The following ANO5 variants were observed in gnomAD, a reference collection of about 807,000 sequenced individuals.
ANO5 encodes the protein anoctamin 5, also known as anoctamin-5.
Under a neutral mutation model 121.0 loss-of-function variants are expected in ANO5, and 109 were observed. That is an observed-to-expected ratio of 0.90 (90% CI 0.77 to 1.06). ANO5 has a LOEUF of 1.06. Among genes scored for constraint, ANO5 ranks in the 50% least tolerant of loss-of-function variants. The pLI is 0.00. For missense variants in ANO5, 1,064 were observed against 1,078.5 expected (o/e 0.99, Z 0.19); for synonymous variants, 406 against 359.9 (o/e 1.13, Z -1.45).
intron 16 of ANO5, 32 bp from the exon 17 acceptor site, chr11:22,262,914 A>T (rs377742416): frequency 9.6e-5 from 145 of 1,513,378 alleles, no homozygotes; most frequent in Middle Eastern, 5.1e-4. Context: ...TGATCATTCA[A>T]TTCTGTTTTC....
intron 13 of ANO5, among the ~76,000 whole-genome samples, chr11:22,256,658 T>C (rs1854008034): frequency 6.6e-6 from 1 of 152,176 alleles, no homozygotes; most frequent in African/African-American, 2.4e-5. Context: ...TGAAAAGCCA[T>C]ATGTATTGAT....
At chr11:22,248,290 T>C (rs1308076178) in intron 9 of ANO5, among the ~76,000 whole-genome samples, 1 of 152,030 alleles carries the variant, frequency 6.6e-6, no homozygotes, top group East Asian at 1.9e-4. Flanking sequence ...ATAATTAAAA[T>C]GGACAGGTTA....
chr11:22,224,741 G>T (rs1852768233), intron 5 of ANO5, among the ~76,000 whole-genome samples: 1 of 152,060 alleles, frequency 6.6e-6, no homozygotes, highest in East Asian at 1.9e-4. Context: ...AAAAGCTTCT[G>T]CACAGCAAAG....
At chr11:22,270,802 AG>A (rs1161559122) in intron 18 of ANO5, among the ~76,000 whole-genome samples, 1 of 152,146 alleles carries the variant, frequency 6.6e-6, no homozygotes, top group African/African-American at 2.4e-5. Context: ...AGATAGAATA[AG>A]TAGCCTGGAA....
intron 7 of ANO5, among the ~76,000 whole-genome samples, chr11:22,233,310 G>GACAC (rs1253417383): frequency 2.6e-5 from 4 of 151,776 alleles, no homozygotes; most frequent in Admixed American, 6.6e-5. Context: ...CTTTTTAAAA[G>GACAC]ACACACATCT....
intron 12 of ANO5, among the ~76,000 whole-genome samples, chr11:22,252,585 C>G (rs1242814949): frequency 6.6e-6 from 1 of 152,020 alleles, no homozygotes; most frequent in Non-Finnish European, 1.5e-5. Flanking sequence ...ATAATAAGCA[C>G]AGTAATCCTT....
chr11:22,279,838 G>A lies in ANO5; in HGVS notation c.*73G>A. Reference sequence around the variant, plus strand: ...CCTCTGGTTTTAGGGCCAGACGCCAGAAGCCATGTGTCAATTTTACCCTTT... The same window carrying A: ...CCTCTGGTTTTAGGGCCAGACGCCAAAAGCCATGTGTCAATTTTACCCTTT... On this transcript the variant is annotated 3_prime_UTR_variant, in exon 22 of 22. Coordinates refer to ENST00000324559, the MANE Select transcript of ANO5 (RefSeq NM_213599.3). 1.6e-6 allele frequency: 2 copies of A among 1,213,580 alleles called. No homozygotes were observed. The highest frequency in any genetic ancestry group is 2.4e-5 in the East Asian group (1 of 41,618). 75.2% of individuals were successfully genotyped at this position (1,213,580 alleles called of 1,614,324 possible).
intron 16 of ANO5, among the ~76,000 whole-genome samples, chr11:22,262,612 G>A (rs769500020): frequency 1.3e-5 from 2 of 152,306 alleles, no homozygotes; most frequent in Non-Finnish European, 2.9e-5. Flanking sequence ...GTTCCACTAT[G>A]GGTAGTAGAG....
chr11:22,214,292 A>G (rs533543366), intron 3 of ANO5, among the ~76,000 whole-genome samples: 52 of 151,798 alleles, frequency 3.4e-4, no homozygotes, highest in Non-Finnish European at 7.1e-4. Context: ...CTTCTTTCTG[A>G]CTAGATGCTC....
chr11:22,234,363 A>G (rs1387703410), intron 7 of ANO5, among the ~76,000 whole-genome samples: 3 of 152,066 alleles, frequency 2.0e-5, no homozygotes, highest in African/African-American at 7.2e-5. Flanking sequence ...TGATCTCTTT[A>G]GGGGGATTGT....
At chr11:22,272,746 C>T (rs371979105) in intron 18 of ANO5, 38 bp from the exon 19 acceptor site, 36 of 1,583,328 alleles carry the variant, frequency 2.3e-5, no homozygotes, top group Non-Finnish European at 3.1e-5. Flanking sequence ...CTTTCTCCTT[C>T]ACAATAATGA....
intron 7 of ANO5, among the ~76,000 whole-genome samples, chr11:22,231,782 G>T (rs1013726724): frequency 6.6e-6 from 1 of 151,904 alleles, no homozygotes; most frequent in Non-Finnish European, 1.5e-5. Flanking sequence ...ATCACACTTT[G>T]CAAAAAGATG....
At chr11:22,250,515 A>T in intron 10 of ANO5, 144 bp downstream of exon 10, 2 of 1,234,928 alleles carry the variant, frequency 1.6e-6, no homozygotes, top group Non-Finnish European at 2.3e-6. Flanking sequence ...CTACTCAAAC[A>T]TAACAGTTGC....
At chr11:22,275,309 GACACACAC>G (rs56171321) in intron 20 of ANO5, among the ~76,000 whole-genome samples, 7 of 148,506 alleles carry the variant, frequency 4.7e-5, no homozygotes, top group African/African-American at 7.4e-5. Flanking sequence ...ACAATTTAAA[GACACACAC>G]ACACACACAC....
chr11:22,211,168 C>A, intron 2 of ANO5, 96 bp from the exon 3 acceptor site: 1 of 1,294,180 alleles, frequency 7.7e-7, no homozygotes, highest in Non-Finnish European at 1.1e-6. Context: ...AGTGTTTCTG[C>A]ATAGAGATTA....
chr11:22,277,587 T>C (rs1031607194), intron 21 of ANO5, among the ~76,000 whole-genome samples: 4 of 151,716 alleles, frequency 2.6e-5, no homozygotes, highest in African/African-American at 9.7e-5. Flanking sequence ...TCCTGTCTTA[T>C]ATTCTGAACA....
chr11:22,254,054 A>G (rs1853912851), intron 12 of ANO5, among the ~76,000 whole-genome samples: 1 of 152,168 alleles, frequency 6.6e-6, no homozygotes, highest in South Asian at 2.1e-4. Flanking sequence ...TTCCCATTTA[A>G]TAAATGTTTA....
upstream of ANO5, chr11:22,193,044 A>T (rs1652819445): frequency 9.8e-7 from 1 of 1,020,514 alleles, no homozygotes; most frequent in Non-Finnish European, 1.2e-6. Flanking sequence ...GGAAACAGGG[A>T]CGCAGCGAAG....
intron 19 of ANO5, among the ~76,000 whole-genome samples, chr11:22,274,163 T>TACACACACACACAC (rs34022294): frequency 6.8e-4 from 98 of 143,844 alleles, no homozygotes; most frequent in African/African-American, 2.5e-3. Context: ...GTTAATCTCT[T>TACACACACACACAC]ACACACACAC....
Sources: allele counts gnomAD v4.1 joint callset (sites outside exome capture counted in the v4.1 genomes callset), GRCh38; gene constraint gnomAD v4.1.1; transcripts MANE v1.5; gene names NCBI Gene and HGNC (gene_info 2026-07-23, HGNC 2026-07-21).